IQCE: variants seen among roughly 807,000 people sequenced by gnomAD.
The protein encoded by IQCE is IQ motif containing E.
In IQCE, 115 loss-of-function variants were observed where a neutral mutation model predicts 96.0. The ratio of observed to expected loss-of-function variants is 1.20; its 90% CI spans 1.03 to 1.40. IQCE has a LOEUF of 1.40. Among genes scored for constraint, IQCE ranks in the 40% most tolerant of loss-of-function variants. IQCE has a pLI of 0.00. For missense variants in IQCE, 1,041 were observed against 909.1 expected, an observed-to-expected ratio of 1.15 and a Z score of -1.87; for synonymous variants, 412 against 371.2, an observed-to-expected ratio of 1.11 and a Z score of -1.26.
chr7:2,590,216 A>G (rs36150432), intron 14 of IQCE, 110 bp downstream of exon 14: 424 of 752,868 alleles, frequency 5.6e-4, no homozygotes, highest in Middle Eastern at 1.2e-3. Flanking sequence ...TGCTGCAGAG[A>G]GAGTAGGTCC....
chr7:2,568,001 G>A (rs1249885277), intron 2 of IQCE, among the ~76,000 whole-genome samples: 1 of 152,224 alleles, frequency 6.6e-6, no homozygotes, highest in Non-Finnish European at 1.5e-5. Context: ...GAGGGGAAGT[G>A]AGGAGACCTG....
chr7:2,586,656 C>A (rs1357616641), intron 12 of IQCE, among the ~76,000 whole-genome samples: 1 of 152,156 alleles, frequency 6.6e-6, no homozygotes, highest in Non-Finnish European at 1.5e-5. Flanking sequence ...CTGTAAGTGC[C>A]ATGGAGGAGG....
chr7:2,610,081 A>G lies in IQCE; in HGVS notation c.2007A>G (p.Leu669=). 2 of 1,611,906 alleles carry G rather than the reference A, an allele frequency of 1.2e-6. No homozygotes were observed. Among genetic ancestry groups the G allele is most frequent in the Non-Finnish European group, 1.7e-6 (2 of 1,178,090 alleles). ...SPSGPQALAP[L]PGDDVNSDDS... is the part of the protein sequence containing the mutation. ...CAGGGCCACAGGCCTTGGCACCTCT[A>G]CCTGGGGATGACGTCAACTCCGATG... Residue 669 remains leucine (L), a synonymous_variant, in exon 22 of 22, where the codon CTA becomes CTG. Transcript: ENST00000402050.
In IQCE at chr7:2,592,194, C is replaced by CA. The variant is rs1783653432; in HGVS notation, c.1245-827dup. ...TGTGAACAGTAGAAGGCCAACCCGT[C>CA]ACCACTGTCCTTACCCCTCACGTGA... is the stretch of plus-strand genomic sequence containing the variant. On this transcript the variant is annotated intron_variant, in intron 14 of 21. Coordinates refer to ENST00000402050, the MANE Select transcript of IQCE (RefSeq NM_152558.5). 2.0e-5 allele frequency among the ~76,000 whole-genome samples: 3 copies of CA among 152,342 alleles called. No individual in the cohort carries two copies. In the South Asian group the frequency reaches 6.2e-4, roughly 32 times the overall value.
chr7:2,566,242 A>G lies in IQCE; in HGVS notation c.37-874A>G, dbSNP rs566611858. Among the ~76,000 whole-genome samples, 5 of 150,828 alleles carry G rather than the reference A, an allele frequency of 3.3e-5. 1 individual carries two copies. The highest frequency in any genetic ancestry group is 2.1e-4 in the South Asian group (1 of 4,784). ...TTTATGCTTCTCTTTTTGGATTTCA[A>G]TTTGAGTGAATGAGTTAATACAGAA... On this transcript the variant is annotated intron_variant, in intron 1 of 21. Coordinates refer to ENST00000402050, the MANE Select transcript of IQCE (RefSeq NM_152558.5).
intron 16 of IQCE, chr7:2,596,942 G>A: frequency 4.3e-6 from 2 of 469,872 alleles, no homozygotes; most frequent in Non-Finnish European, 8.9e-6. Context: ...ATGTACCCAG[G>A]GCATCTTCGT....
intron 14 of IQCE, among the ~76,000 whole-genome samples, chr7:2,591,497 C>CA (rs1217353259): frequency 6.6e-6 from 1 of 152,108 alleles, no homozygotes; most frequent in Non-Finnish European, 1.5e-5. Flanking sequence ...GACTGCCCCT[C>CA]AGAGTGGCCT....
Position 2,582,126 on chromosome 7 carries a change from GGCTCCTCAGGCCCCTACGGCCGC to G in IQCE, c.631-450_631-428del, listed in dbSNP as rs1343360681. 3 of 462,850 alleles carry G rather than the reference GGCTCCTCAGGCCCCTACGGCCGC, an allele frequency of 6.5e-6. No homozygotes were observed. In the East Asian group the frequency reaches 2.1e-4, roughly 32 times the overall value. 28.7% of individuals were successfully genotyped at this position (462,850 alleles called of 1,614,324 possible). On this transcript the variant is annotated intron_variant, in intron 8 of 21. Coordinates refer to ENST00000402050, the MANE Select transcript of IQCE (RefSeq NM_152558.5). ...CTCCCTTCCCCAAATAGAGGGGAGT[GGCTCCTCAGGCCCCTACGGCCGC>G]GCTGTCTCCCACCCTCACTCACTGC...
chr7:2,586,015 T>C (rs1308884007), intron 11 of IQCE, among the ~76,000 whole-genome samples, 193 bp from the exon 12 acceptor site: 2 of 100,534 alleles, frequency 2.0e-5, no homozygotes, highest in Non-Finnish European at 4.5e-5. Flanking sequence ...TGGGGTTCCA[T>C]TTTGGGTGCT....
chr7:2,601,940 T>C (rs1000851008), intron 18 of IQCE: 4 of 161,628 alleles, frequency 2.5e-5, no homozygotes, highest in Non-Finnish European at 5.3e-5. Context: ...TTCGATAATT[T>C]CCCACTTTCA....
chr7:2,594,353 C>T (rs980713155), intron 15 of IQCE, among the ~76,000 whole-genome samples: 28 of 141,036 alleles, frequency 2.0e-4, no homozygotes, highest in African/African-American at 7.0e-4. Flanking sequence ...TGAAAGGGCA[C>T]ATGTGCAGAA....
At chr7:2,573,823 C>T (rs545203399) in intron 6 of IQCE, among the ~76,000 whole-genome samples, 30 of 152,326 alleles carry the variant, frequency 2.0e-4, no homozygotes, top group African/African-American at 7.2e-4. Context: ...GTAGAGTCAT[C>T]AGTAACCTTC....
At chr7:2,582,531 C>T in intron 8 of IQCE, 49 bp from the exon 9 acceptor site, 1 of 1,539,282 alleles carries the variant, frequency 6.5e-7, no homozygotes, top group Non-Finnish European at 9.0e-7. Flanking sequence ...GCCGCTTCTA[C>T]TGAGGGAGAG....
At chr7:2,595,307 G>T (rs755572962) in intron 16 of IQCE, among the ~76,000 whole-genome samples, 1 of 152,180 alleles carries the variant, frequency 6.6e-6, no homozygotes, top group Non-Finnish European at 1.5e-5. Flanking sequence ...GGGAAAGGAC[G>T]AAGGCTCAAC....
At chr7:2,560,316 A>T (rs1355498296) in intron 1 of IQCE, among the ~76,000 whole-genome samples, 1 of 152,252 alleles carries the variant, frequency 6.6e-6, no homozygotes, top group African/African-American at 2.4e-5. Context: ...GAGCCTGACT[A>T]TGGGGAGTCC....
intron 13 of IQCE, among the ~76,000 whole-genome samples, chr7:2,588,684 A>ATTTTT (rs1783332205): frequency 4.5e-5 from 1 of 22,124 alleles, no homozygotes; most frequent in African/African-American, 1.9e-4. Flanking sequence ...TTTTTTTTTG[A>ATTTTT]GGTGGAGTCT....
intron 3 of IQCE, among the ~76,000 whole-genome samples, chr7:2,571,134 C>G (rs1781723289): frequency 6.6e-6 from 1 of 152,128 alleles, no homozygotes; most frequent in Admixed American, 6.6e-5. Context: ...CCTCCTGCCT[C>G]AGCCCCCTTG....
At chr7:2,603,810 C>T (rs1204265468) in intron 18 of IQCE, among the ~76,000 whole-genome samples, 1 of 151,950 alleles carries the variant, frequency 6.6e-6, no homozygotes, top group Non-Finnish European at 1.5e-5. Flanking sequence ...GTTCCAACAG[C>T]GGCAAGCCTG....
At position 2,593,202 on chromosome 7, in the gene IQCE, G is replaced by T. The variant is rs773262561; in HGVS notation, c.1349+76G>T. ...TGCTACCACTGCGGCCCCCCGTGGC[G>T]TCTCAGCCTTGCTGCCAGCCGGCTT... On this transcript the variant is annotated intron_variant, in intron 15 of 21. Transcript: ENST00000402050. 9 of 1,505,334 alleles carry T rather than the reference G, an allele frequency of 6.0e-6. No individual in the cohort carries two copies. In the African/African-American group the frequency reaches 1.1e-4, roughly 19 times the overall value. The allele number at this position is 1,505,334 out of a possible 1,614,324, so 93.2% of individuals were successfully genotyped here.
Sources: gnomAD v4.1 joint callset for allele counts (sites outside exome capture counted in the v4.1 genomes callset) on GRCh38, gnomAD v4.1.1 for gene constraint, MANE v1.5 for transcripts, NCBI Gene and HGNC (gene_info 2026-07-23, HGNC 2026-07-21) for gene names.